MDGA2: variants seen among roughly 807,000 people sequenced by gnomAD.
MDGA2 encodes the protein MAM domain containing glycosylphosphatidylinositol anchor 2, also known as MAM domain-containing glycosylphosphatidylinositol anchor protein 2.
Under a neutral mutation model 117.8 loss-of-function variants are expected in MDGA2, and 40 were observed. The ratio of observed to expected loss-of-function variants is 0.34; its 90% CI spans 0.26 to 0.44. MDGA2 has a LOEUF of 0.44. Among genes scored for constraint, MDGA2 ranks in the 20% least tolerant of loss-of-function variants. The pLI, the probability that MDGA2 is intolerant of heterozygous loss-of-function variation, is 1.00. For synonymous variants in MDGA2, 452 were observed against 439.0 expected, an observed-to-expected ratio of 1.03 and a Z score of -0.37; for missense variants, 1,123 against 1,250.6, an observed-to-expected ratio of 0.90 and a Z score of 1.54.
Position 47,243,005 on chromosome 14 carries a change from C to T in MDGA2, c.421-24810G>A, listed in dbSNP as rs983138672. On this transcript the variant is annotated intron_variant, in intron 2 of 16. Transcript: ENST00000399232. Reference sequence around the variant, plus strand: ...TTTAGCTCAAGGTTTGTGAGTGCACCAGTCGACACTCTGTATCTAGCTGCT... The same window carrying T: ...TTTAGCTCAAGGTTTGTGAGTGCACTAGTCGACACTCTGTATCTAGCTGCT... 6.6e-5 allele frequency among the ~76,000 whole-genome samples: 10 copies of T among 151,694 alleles called. 1 individual carries two copies. The highest frequency in any genetic ancestry group is 2.4e-4 in the African/African-American group (10 of 41,362).
chr14:46,910,476 T>A lies in MDGA2; in HGVS notation c.2238+9536A>T, dbSNP rs116513123. 4.4e-3 allele frequency among the ~76,000 whole-genome samples: 674 copies of A among 152,188 alleles called. 2 individuals are homozygous for A. Among genetic ancestry groups the A allele is most frequent in the African/African-American group, 0.015 (628 of 41,482 alleles). On this transcript the variant is annotated intron_variant, in intron 10 of 16. Transcript: ENST00000399232. Reference sequence around the variant, plus strand: ...TCTTTGGAACTGTTCCTATGGTCCTTCATGCCTCAAAATAATAAGAGCCAT... The same window carrying A: ...TCTTTGGAACTGTTCCTATGGTCCTACATGCCTCAAAATAATAAGAGCCAT...
At chr14:47,343,283 T>C (rs2138329532) in intron 1 of MDGA2, 4 of 1,132,902 alleles carry the variant, frequency 3.5e-6, no homozygotes, top group Admixed American at 4.7e-5. Context: ...AGGAAGGCAA[T>C]GTTAACTAAG....
intron 8 of MDGA2, among the ~76,000 whole-genome samples, chr14:46,961,827 A>G (rs1255772418): frequency 4.6e-5 from 7 of 152,046 alleles, no homozygotes; most frequent in African/African-American, 1.7e-4. Flanking sequence ...TATTTTTAGT[A>G]GAGACGGGGT....
At position 47,438,956 on chromosome 14, in the gene MDGA2, A is replaced by G. The variant is rs576117980; in HGVS notation, c.281-137406T>C. Among the ~76,000 whole-genome samples, 8 of 152,282 alleles carry G rather than the reference A, an allele frequency of 5.3e-5. No homozygotes were observed. The South Asian group carries it at 1.7e-3, about 32-fold the overall frequency. On this transcript the variant is annotated intron_variant, in intron 1 of 16. Coordinates refer to ENST00000399232, the MANE Select transcript of MDGA2 (RefSeq NM_001113498.3). ...TGTGCCTACTCTATCTTCGCCAACT[A>G]AATCTTTCTACATGACTAATTTGCA... is the stretch of plus-strand genomic sequence containing the variant.
At chr14:47,010,831 CTTCCTTTTGTTAACCAACTAAATACTGT>C (rs1887873378) in intron 8 of MDGA2, among the ~76,000 whole-genome samples, 1 of 152,032 alleles carries the variant, frequency 6.6e-6, no homozygotes, top group East Asian at 1.9e-4. Context: ...GAATGTCTAG[CTTCCTTTTGTTAACCAACTAAATACTGT>C]ATTAATTAAA....
intron 1 of MDGA2, among the ~76,000 whole-genome samples, chr14:47,467,679 T>C (rs532799456): frequency 2.0e-5 from 3 of 152,196 alleles, no homozygotes; most frequent in African/African-American, 7.2e-5. Flanking sequence ...TCATTTAGTT[T>C]TCTGTGCCTC....
Position 47,643,296 on chromosome 14 carries a change from C to T in MDGA2, c.280+31221G>A, listed in dbSNP as rs145440633. Among the ~76,000 whole-genome samples the T allele has an allele frequency of 6.4e-3, 971 of 152,072 alleles. 9 individuals carry two copies. The highest frequency in any genetic ancestry group is 0.022 in the African/African-American group (914 of 41,526). ...TAAAATGTCTATCAAAAGTTGAAAACATATTTAATGAGCAGCCTGTTTTAG... is the reference window on the plus strand; with the variant it reads ...TAAAATGTCTATCAAAAGTTGAAAATATATTTAATGAGCAGCCTGTTTTAG... On this transcript the variant is annotated intron_variant, in intron 1 of 16. Coordinates refer to ENST00000399232, the MANE Select transcript of MDGA2 (RefSeq NM_001113498.3).
chr14:47,525,602 T>C (rs117802946), intron 1 of MDGA2, among the ~76,000 whole-genome samples: 6,643 of 152,076 alleles, frequency 0.044, 197 homozygotes, highest in Middle Eastern at 0.071. Flanking sequence ...GGATAATCAC[T>C]TGAACCCGGA....
At chr14:47,026,971 A>C (rs952426132) in intron 8 of MDGA2, among the ~76,000 whole-genome samples, 5 of 152,032 alleles carry the variant, frequency 3.3e-5, no homozygotes, top group African/African-American at 1.2e-4. Context: ...CAGGAGTTTG[A>C]ATCCAGGCTG....
Position 46,914,568 on chromosome 14 carries a change from C to T in MDGA2, c.2238+5444G>A, listed in dbSNP as rs373147130. ...CATACAGTTTAACCAAAAGGGAATGCTGGGTTCAATTTATCAACCCCCTAC... is the reference window on the plus strand; with the variant it reads ...CATACAGTTTAACCAAAAGGGAATGTTGGGTTCAATTTATCAACCCCCTAC... On this transcript the variant is annotated intron_variant, in intron 10 of 16. Transcript: ENST00000399232. Among the ~76,000 whole-genome samples, 8 of 152,080 alleles carry T rather than the reference C, an allele frequency of 5.3e-5. 1 individual carries two copies. In the East Asian group the frequency reaches 9.7e-4, roughly 18 times the overall value.
chr14:47,023,100 A>G (rs1888345915), intron 8 of MDGA2, among the ~76,000 whole-genome samples: 1 of 150,724 alleles, frequency 6.6e-6, no homozygotes, highest in Non-Finnish European at 1.5e-5. Context: ...AGTTGAGAAG[A>G]TGGTAATGTT....
intron 8 of MDGA2, chr14:46,960,511 C>T (rs908432298): frequency 4.6e-5 from 7 of 151,952 alleles, no homozygotes; most frequent in South Asian, 2.1e-4. Context: ...ACCATACACA[C>T]GAAATAGTGC....
intron 3 of MDGA2, among the ~76,000 whole-genome samples, chr14:47,191,258 A>C (rs1885101092): frequency 6.6e-6 from 1 of 151,772 alleles, no homozygotes; most frequent in African/African-American, 2.4e-5. Flanking sequence ...AACCTACCAT[A>C]ATGTTCTTAC....
At chr14:47,451,625 A>G (rs1476869651) in intron 1 of MDGA2, among the ~76,000 whole-genome samples, 2 of 152,156 alleles carry the variant, frequency 1.3e-5, no homozygotes. Context: ...CTACGTAGTA[A>G]TAAAGACAGT....
chr14:46,861,126 A>G (rs777652331), intron 14 of MDGA2, among the ~76,000 whole-genome samples: 16 of 151,650 alleles, frequency 1.1e-4, no homozygotes, highest in African/African-American at 3.6e-4. Flanking sequence ...ATGACCTTTT[A>G]TTTTGATTTA....
chr14:47,014,275 G>C (rs553938490), intron 8 of MDGA2, among the ~76,000 whole-genome samples: 1 of 152,254 alleles, frequency 6.6e-6, no homozygotes, highest in South Asian at 2.1e-4. Flanking sequence ...AGTAGATTTA[G>C]CATGATTCTT....
rs563788359 is a variant in MDGA2 at position 47,152,148 on chromosome 14, T to C, written c.596-7874A>G. ...TTTTCCTCAACTCTAGAAATAACTGTCTCCCAATTGTCTCCCAAAAGAATT... is the reference window on the plus strand; with the variant it reads ...TTTTCCTCAACTCTAGAAATAACTGCCTCCCAATTGTCTCCCAAAAGAATT... On this transcript the variant is annotated intron_variant, in intron 3 of 16. Transcript: ENST00000399232. Among the ~76,000 whole-genome samples the C allele has an allele frequency of 3.9e-5, 6 of 152,216 alleles. No homozygotes were observed. The South Asian group carries it at 1.2e-3, about 32-fold the overall frequency.
intron 15 of MDGA2, 31 bp downstream of exon 15, chr14:46,854,993 G>C (rs1271475453): frequency 1.3e-6 from 2 of 1,550,458 alleles, no homozygotes; most frequent in African/African-American, 2.8e-5. Flanking sequence ...CTCATTTACA[G>C]CAATTAATTA....
chr14:46,873,490 G>C lies in MDGA2; in HGVS notation c.2695C>G (p.Pro899Ala). 2.5e-6 allele frequency: 4 copies of C among 1,612,512 alleles called. No individual in the cohort carries two copies. The highest frequency in any genetic ancestry group is 2.5e-6 in the Non-Finnish European group (3 of 1,179,036). ...FSIAPKNPYG[P>A]TNTAYCFSFF... ...CTGAAACAATATGCAGTGTTTGTGG[G>C]TCCATAAGGGTTTTTGGGAGCTATG... Residue 899 changes from proline to alanine, a missense_variant, in exon 14 of 17, where the codon CCC (proline) becomes GCC (alanine). Coordinates refer to ENST00000399232, the MANE Select transcript of MDGA2 (RefSeq NM_001113498.3).
Sources: allele counts gnomAD v4.1 joint callset (sites outside exome capture counted in the v4.1 genomes callset), GRCh38; gene constraint gnomAD v4.1.1; transcripts MANE v1.5; gene names NCBI Gene and HGNC (gene_info 2026-07-23, HGNC 2026-07-21).